Variants in ATP13A2 observed in about 807,000 individuals in gnomAD.
ATP13A2 encodes ATPase cation transporting 13A2, also known as polyamine-transporting ATPase 13A2.
A neutral mutation model predicts 138.3 loss-of-function variants in ATP13A2; 83 were observed. That is an observed-to-expected ratio of 0.60 (90% CI 0.50 to 0.72). The LOEUF (loss-of-function observed/expected upper bound fraction) is 0.72, where lower values mean the gene tolerates loss of function less well. Among genes scored for constraint, ATP13A2 ranks in the 30% least tolerant of loss-of-function variants. The pLI is 0.00. For synonymous variants in ATP13A2, 663 were observed against 699.0 expected, an observed-to-expected ratio of 0.95 and a Z score of 0.81; for missense variants, 1,402 against 1,606.4, an observed-to-expected ratio of 0.87 and a Z score of 2.17.
chr1:16,997,162 T>C lies in ATP13A2; in HGVS notation c.1053A>G (p.Pro351=), dbSNP rs2077161212. ...CCTCCGGCAGTGCCGTCTTCAGCAC[T>C]GGAATGCTCTCTCCTGGTGGGGAAC... ...NESSLTGESI[P]VLKTALPEGL... Residue 351 remains proline, a synonymous_variant, in exon 12 of 29, where the codon CCA becomes CCG. Coordinates refer to ENST00000326735, the MANE Select transcript of ATP13A2 (RefSeq NM_022089.4). 2 of 1,613,552 alleles carry C rather than the reference T, an allele frequency of 1.2e-6. No individual in the cohort carries two copies. The highest frequency in any genetic ancestry group is 1.7e-6 in the Non-Finnish European group (2 of 1,180,028).
At chr1:17,006,236 G>A (rs1193215482) in intron 1 of ATP13A2, among the ~76,000 whole-genome samples, 3 of 150,322 alleles carry the variant, frequency 2.0e-5, no homozygotes, top group African/African-American at 7.4e-5. Context: ...TCTTTCCGTC[G>A]GTTCTTACTT....
chr1:17,005,686 C>T lies in ATP13A2; in HGVS notation c.103G>A (p.Val35Met), dbSNP rs1283092397. The T allele has an allele frequency of 5.6e-6, 9 of 1,613,764 alleles. No individual in the cohort carries two copies. The highest frequency in any genetic ancestry group is 2.2e-5 in the South Asian group (2 of 91,012). Residue 35 changes from valine (V) to methionine (M), a missense_variant and splice_region_variant, in exon 2 of 29, where the codon GTG becomes ATG. Transcript: ENST00000326735. ...IDPLSSSVSS[V>M]RLSGYCGSPW... ...CCCACCCCACTCTGCCCACTTACCACGGATGAAACTGAGGAGCTGAGGGGA... is the reference window on the plus strand; with the variant it reads ...CCCACCCCACTCTGCCCACTTACCATGGATGAAACTGAGGAGCTGAGGGGA...
chr1:16,990,534 T>A (rs1232915727), intron 20 of ATP13A2, among the ~76,000 whole-genome samples: 1 of 152,182 alleles, frequency 6.6e-6, no homozygotes, highest in East Asian at 1.9e-4. Context: ...TTTCTTTTTT[T>A]AAGACAAGAG....
In ATP13A2 at chr1:16,986,361, G is replaced by A. The variant is rs746169788; in HGVS notation, c.3406-3C>T. The A allele has an allele frequency of 1.3e-6, 2 of 1,581,686 alleles. No individual in the cohort carries two copies. Among genetic ancestry groups the A allele is most frequent in the South Asian group, 2.3e-5 (2 of 88,092 alleles). On this transcript the variant is annotated splice_polypyrimidine_tract_variant and splice_region_variant and intron_variant, in intron 28 of 28. Transcript: ENST00000326735. The surrounding 1 kb of genome is among the most constrained non-coding windows in gnomAD (Gnocchi z 6.9). ...GGGAGGCACTGGTCTAGCACGCTCTGCAAAGGGCAGGGAGGGTGTCAGGGG... is the reference window on the plus strand; with the variant it reads ...GGGAGGCACTGGTCTAGCACGCTCTACAAAGGGCAGGGAGGGTGTCAGGGG...
chr1:16,991,641 G>C (rs2076934077), intron 20 of ATP13A2, 93 bp downstream of exon 20: 6 of 1,593,420 alleles, frequency 3.8e-6, no homozygotes, highest in Non-Finnish European at 4.3e-6. Flanking sequence ...GGCCCAAAAA[G>C]ATGCCCCAAA....
rs1156407709 is a variant in ATP13A2, at chr1:16,986,111, C to T, written c.*110G>A. 30 of 1,578,530 alleles carry T rather than the reference C, an allele frequency of 1.9e-5. No homozygotes were observed. Among genetic ancestry groups the T allele is most frequent in the African/African-American group, 2.7e-5 (2 of 74,464 alleles). ...GTCTCGGGGGAGGAGTGTAGACAGTCGCCAACCTCAGGGATGTGGGAGGTG... is the reference window on the plus strand; with the variant it reads ...GTCTCGGGGGAGGAGTGTAGACAGTTGCCAACCTCAGGGATGTGGGAGGTG... On this transcript the variant is annotated 3_prime_UTR_variant, in exon 29 of 29. Transcript: ENST00000326735. This position sits in a 1 kb window ranked among gnomAD's most constrained non-coding sequence, Gnocchi z 6.9.
At chr1:16,987,522 C>G (rs1389859255) in intron 25 of ATP13A2, among the ~76,000 whole-genome samples, 1 of 152,216 alleles carries the variant, frequency 6.6e-6, no homozygotes, top group Non-Finnish European at 1.5e-5. Flanking sequence ...GTTTCCCTCC[C>G]TGTAACAAAC....
Position 16,986,351 on chromosome 1 carries a change from A to G in ATP13A2, c.3413T>C (p.Leu1138Pro). 2 of 1,578,884 alleles carry G rather than the reference A, an allele frequency of 1.3e-6. No individual in the cohort carries two copies. The highest frequency in any genetic ancestry group is 8.6e-7 in the Non-Finnish European group (1 of 1,164,904). Residue 1138 changes from leucine to proline, a missense_variant, in exon 29 of 29, where the codon CTA becomes CCA. Transcript: ENST00000326735. This position sits in a 1 kb window ranked among gnomAD's most constrained non-coding sequence, Gnocchi z 6.9. ...FVGAFMLESV[L>P]DQCLPACLRR... ...CAGGCAGGCGGGGAGGCACTGGTCT[A>G]GCACGCTCTGCAAAGGGCAGGGAGG...
At chr1:16,990,386 C>A in intron 20 of ATP13A2, 99 bp from the exon 21 acceptor site, 1 of 1,485,546 alleles carries the variant, frequency 6.7e-7, no homozygotes, top group Non-Finnish European at 9.3e-7. Flanking sequence ...TGAAATCCGT[C>A]TGCCACCACC....
intron 6 of ATP13A2, among the ~76,000 whole-genome samples, chr1:17,003,585 C>CACA (rs2077439980): frequency 1.5e-5 from 2 of 132,988 alleles, no homozygotes; most frequent in South Asian, 4.8e-4. Flanking sequence ...ACCAAAAAAA[C>CACA]CACACACACA....
chr1:17,003,723 G>A (rs1004042905), intron 6 of ATP13A2, among the ~76,000 whole-genome samples: 2 of 150,458 alleles, frequency 1.3e-5, no homozygotes, highest in Non-Finnish European at 3.0e-5. Flanking sequence ...GAGTGCAGTG[G>A]CGCGATGTTG....
rs2077085129 is a variant in ATP13A2 at position 16,995,465 on chromosome 1, C to A, written c.1542+511G>T. 1 of 268,172 alleles carries A rather than the reference C, an allele frequency of 3.7e-6. No homozygotes were observed. 16.6% of individuals were successfully genotyped at this position (268,172 alleles called of 1,614,324 possible). ...TGCACACTAGGGCCCCAGGTCCCCA[C>A]CAGTAATTTTTTTTTTTTTTTGAGT... On this transcript the variant is annotated intron_variant, in intron 15 of 28. Coordinates refer to ENST00000326735, the MANE Select transcript of ATP13A2 (RefSeq NM_022089.4). The surrounding 1 kb of genome is among the most constrained non-coding windows in gnomAD (Gnocchi z 4.1).
At chr1:17,010,593 GTGTC>G (rs2077749254) in intron 1 of ATP13A2, among the ~76,000 whole-genome samples, 1 of 152,150 alleles carries the variant, frequency 6.6e-6, no homozygotes, top group Non-Finnish European at 1.5e-5. Context: ...GGAAATGAGT[GTGTC>G]TGAATGGGCA....
chr1:17,008,149 A>C (rs1195399467), intron 1 of ATP13A2, among the ~76,000 whole-genome samples: 1 of 151,970 alleles, frequency 6.6e-6, no homozygotes, highest in African/African-American at 2.4e-5. Flanking sequence ...GTTTTCGTGT[A>C]TAAGTCTTTT....
At position 17,000,284 on chromosome 1, in the gene ATP13A2, T is replaced by C; in HGVS notation, c.869A>G (p.Lys290Arg). 1 of 1,571,314 alleles carries C rather than the reference T, an allele frequency of 6.4e-7. No individual in the cohort carries two copies. Among genetic ancestry groups the C allele is most frequent in the Non-Finnish European group, 8.6e-7 (1 of 1,158,558 alleles). Residue 290 changes from lysine to arginine, a missense_variant, in exon 10 of 29, where the codon AAG (lysine) becomes AGG (arginine). Lys to Arg is a conservative substitution (Grantham distance 26). Transcript: ENST00000326735. ...KQSQTLRDMV[K>R]LSMRVCVCRP... ...GCACACGCACACCCGCATGGACAAC[T>C]TGACCATGTCCCTTAGAGTCTGGCT...
At chr1:17,002,193 G>T in intron 7 of ATP13A2, 90 bp from the exon 8 acceptor site, 1 of 1,574,518 alleles carries the variant, frequency 6.4e-7, no homozygotes, top group South Asian at 1.1e-5. Context: ...TCAGCTGGGG[G>T]AACTGAGGCC....
At chr1:17,000,882 C>A in intron 8 of ATP13A2, 1 of 282,516 alleles carries the variant, frequency 3.5e-6, no homozygotes, top group Non-Finnish European at 6.8e-6. Flanking sequence ...GTGGAGGGTG[C>A]AGTGAGCTGA....
Position 17,004,291 on chromosome 1 carries a change from C to T in ATP13A2, c.557+41G>A. 1.3e-6 allele frequency: 2 copies of T among 1,599,416 alleles called. No homozygotes were observed. The highest frequency in any genetic ancestry group is 1.7e-6 in the Non-Finnish European group (2 of 1,170,462). Reference sequence around the variant, plus strand: ...ACCGTCTGTGCCCAAACCAGTGCCACTCTGGGAGGTGACATGAGCCACACA... The same window carrying T: ...ACCGTCTGTGCCCAAACCAGTGCCATTCTGGGAGGTGACATGAGCCACACA... On this transcript the variant is annotated intron_variant, in intron 6 of 28. Transcript: ENST00000326735. This position sits in a 1 kb window ranked among gnomAD's most constrained non-coding sequence, Gnocchi z 4.1.
rs771708290 is a variant in ATP13A2, at chr1:16,989,879, G to A, written c.2529+8C>T. 4.0e-5 allele frequency: 65 copies of A among 1,605,830 alleles called. No homozygotes were observed. The highest frequency in any genetic ancestry group is 9.0e-5 in the East Asian group (4 of 44,636). On this transcript the variant is annotated splice_region_variant and intron_variant, in intron 22 of 28. Transcript: ENST00000326735. ...GCAGGGCGGCCAGGGAGCTGGGGGC[G>A]GCCCTACCTTGGGCAGCAGCTTGGG...
Sources: gnomAD v4.1 joint callset for allele counts (sites outside exome capture counted in the v4.1 genomes callset) on GRCh38, gnomAD v4.1.1 for gene constraint, Gnocchi (gnomAD v3.1) non-coding constraint, MANE v1.5 for transcripts, NCBI Gene and HGNC (gene_info 2026-07-23, HGNC 2026-07-21) for gene names.